Variants in CNTN4 observed in about 807,000 individuals in gnomAD.
The protein encoded by CNTN4 is contactin-4.
Under a neutral mutation model 122.5 loss-of-function variants are expected in CNTN4, and 77 were observed. That is an observed-to-expected ratio of 0.63 (90% CI 0.52 to 0.76). CNTN4 has a LOEUF of 0.76. CNTN4 is among the 30% of genes least tolerant of loss of function. The pLI is 0.00. For missense variants in CNTN4, 1,256 were observed against 1,259.1 expected (o/e 1.00, Z 0.04); for synonymous variants, 512 against 447.0 (o/e 1.15, Z -1.83).
intron 13 of CNTN4, among the ~76,000 whole-genome samples, chr3:2,941,532 C>A (rs893519844): frequency 1.3e-5 from 2 of 152,188 alleles, no homozygotes; most frequent in Non-Finnish European, 2.9e-5. Flanking sequence ...GTTTCATCAC[C>A]CCATTTATCC....
intron 4 of CNTN4, among the ~76,000 whole-genome samples, chr3:2,700,706 G>A (rs573081704): frequency 2.0e-3 from 305 of 151,728 alleles, no homozygotes; most frequent in Non-Finnish European, 3.4e-3. Context: ...CCAAGAGTTC[G>A]CTTCAGTTTA....
intron 23 of CNTN4, among the ~76,000 whole-genome samples, chr3:3,053,383 C>T (rs1191744526): frequency 6.6e-6 from 1 of 152,152 alleles, no homozygotes; most frequent in Non-Finnish European, 1.5e-5. Context: ...GTATTATTGT[C>T]CCCCTTTTAC....
chr3:2,527,998 G>C lies in CNTN4; in HGVS notation c.-88-43418G>C, dbSNP rs554231069. On this transcript the variant is annotated intron_variant, in intron 3 of 24. Coordinates refer to ENST00000418658, the MANE Select transcript of CNTN4 (RefSeq NM_175607.3). ...TTCAGTTTTCAATGTTCTTTCATTT[G>C]GTCATAGACTTTTTCTGTGTTCTTT... Among the ~76,000 whole-genome samples the C allele has an allele frequency of 7.9e-5, 12 of 152,116 alleles. No individual in the cohort carries two copies. The East Asian group carries it at 2.3e-3, about 29-fold the overall frequency.
chr3:2,457,210 T>C (rs975523756), intron 3 of CNTN4, among the ~76,000 whole-genome samples: 3 of 152,140 alleles, frequency 2.0e-5, no homozygotes, highest in Non-Finnish European at 4.4e-5. Context: ...TTGTTGTGTT[T>C]CCTCTTAAAA....
intron 2 of CNTN4, among the ~76,000 whole-genome samples, chr3:2,296,723 T>G (rs2150038561): frequency 6.6e-6 from 1 of 151,440 alleles, no homozygotes; most frequent in East Asian, 2.0e-4. Context: ...GGTCCACAGA[T>G]ATTGCAGGTG....
rs552632632 is a variant in CNTN4 at position 2,176,612 on chromosome 3, A to G, written c.-145+75973A>G. ...ACATAATGGAGGATGTTTGCTAATG[A>G]TGGTAATTAGTATAACACTGCTTTA... is the stretch of plus-strand genomic sequence containing the variant. On this transcript the variant is annotated intron_variant, in intron 2 of 24. Transcript: ENST00000418658. Among the ~76,000 whole-genome samples the G allele has an allele frequency of 2.0e-5, 3 of 152,288 alleles. No individual in the cohort carries two copies. The East Asian group carries it at 5.8e-4, about 29-fold the overall frequency.
chr3:2,813,708 G>C (rs2092666046), intron 6 of CNTN4, among the ~76,000 whole-genome samples: 1 of 152,028 alleles, frequency 6.6e-6, no homozygotes, highest in Non-Finnish European at 1.5e-5. Flanking sequence ...CTTCTCAAAA[G>C]AGATCTTGGA....
At chr3:2,350,609 C>A (rs1458729517) in intron 3 of CNTN4, among the ~76,000 whole-genome samples, 1 of 151,908 alleles carries the variant, frequency 6.6e-6, no homozygotes, top group Non-Finnish European at 1.5e-5. Context: ...GTTCTTTTTT[C>A]TAGGCACTTC....
chr3:2,762,973 G>C (rs564828460), intron 6 of CNTN4, among the ~76,000 whole-genome samples: 27 of 120,000 alleles, frequency 2.2e-4, no homozygotes, highest in Non-Finnish European at 3.9e-4. Flanking sequence ...ACTGAGTCTC[G>C]CTGTGTCGCG....
intron 6 of CNTN4, among the ~76,000 whole-genome samples, chr3:2,814,053 C>A (rs559100066): frequency 6.6e-6 from 1 of 152,268 alleles, no homozygotes; most frequent in East Asian, 1.9e-4. Flanking sequence ...TCAGGTATTA[C>A]ATTCCATAGG....
At chr3:2,971,654 G>C (rs1397702371) in intron 13 of CNTN4, among the ~76,000 whole-genome samples, 2 of 152,224 alleles carry the variant, frequency 1.3e-5, no homozygotes, top group East Asian at 3.9e-4. Context: ...GGAACAACCT[G>C]TATTTTAAAA....
intron 7 of CNTN4, among the ~76,000 whole-genome samples, chr3:2,845,347 AAAAT>A (rs1466427872): frequency 4.6e-5 from 7 of 152,142 alleles, no homozygotes; most frequent in Non-Finnish European, 8.8e-5. Flanking sequence ...GTCAACTTTA[AAAAT>A]AAATAAAAGG....
intron 6 of CNTN4, among the ~76,000 whole-genome samples, chr3:2,793,750 AG>A (rs780593547): frequency 7.9e-5 from 12 of 152,202 alleles, no homozygotes; most frequent in Non-Finnish European, 1.3e-4. Context: ...TAACAGAAAA[AG>A]TAACCATTTC....
chr3:2,134,081 G>A (rs1467042789), intron 2 of CNTN4, among the ~76,000 whole-genome samples: 1 of 152,096 alleles, frequency 6.6e-6, no homozygotes. Context: ...TATTGGAAAA[G>A]ACTATGGAGT....
chr3:2,873,758 A>T (rs74891422), intron 8 of CNTN4, among the ~76,000 whole-genome samples: 3,489 of 152,246 alleles, frequency 0.023, 56 homozygotes, highest in Middle Eastern at 0.051. Context: ...GTCATTTAGG[A>T]GATCTCTTCT....
intron 3 of CNTN4, among the ~76,000 whole-genome samples, chr3:2,439,481 T>C (rs144130417): frequency 6.6e-6 from 1 of 152,270 alleles, no homozygotes; most frequent in African/African-American, 2.4e-5. Flanking sequence ...CATTTCCTCA[T>C]GTCAGTGATG....
intron 2 of CNTN4, among the ~76,000 whole-genome samples, chr3:2,239,418 T>C (rs2039838887): frequency 6.6e-6 from 1 of 152,106 alleles, no homozygotes; most frequent in South Asian, 2.1e-4. Flanking sequence ...TCAAATCTCA[T>C]ACCAAAAATG....
At chr3:2,295,123 T>G (rs1321767174) in intron 2 of CNTN4, among the ~76,000 whole-genome samples, 1 of 149,744 alleles carries the variant, frequency 6.7e-6, no homozygotes, top group African/African-American at 2.5e-5. Context: ...TTGTGAATAG[T>G]GCTGCAATAA....
intron 3 of CNTN4, among the ~76,000 whole-genome samples, chr3:2,463,217 A>AAACACTTGACTTTAAG (rs1225300866): frequency 2.0e-5 from 3 of 152,232 alleles, no homozygotes; most frequent in Non-Finnish European, 4.4e-5. Context: ...TAAAAAAAAA[A>AAACACTTGACTTTAAG]AACACTTGAC....
Sources: gnomAD v4.1 joint callset for allele counts (sites outside exome capture counted in the v4.1 genomes callset) on GRCh38, gnomAD v4.1.1 for gene constraint, MANE v1.5 for transcripts, NCBI Gene and HGNC (gene_info 2026-07-23, HGNC 2026-07-21) for gene names.